FAM135B: variants seen among roughly 807,000 people sequenced by gnomAD.
FAM135B encodes the protein protein FAM135B.
A neutral mutation model predicts 127.7 loss-of-function variants in FAM135B; 43 were observed. The ratio of observed to expected loss-of-function variants is 0.34; its 90% CI spans 0.26 to 0.43. The LOEUF (loss-of-function observed/expected upper bound fraction) is 0.43, where lower values mean the gene tolerates loss of function less well. Among genes scored for constraint, FAM135B ranks in the 20% least tolerant of loss-of-function variants. The pLI is 1.00. For missense variants in FAM135B, 1,558 were observed against 1,725.6 expected (o/e 0.90, Z 1.72); for synonymous variants, 670 against 665.1 (o/e 1.01, Z -0.11).
rs184128370 is a variant in FAM135B at position 138,452,721 on chromosome 8, T to C, written c.-20+43950A>G. Among the ~76,000 whole-genome samples, 96 of 152,256 alleles carry C rather than the reference T, an allele frequency of 6.3e-4. 1 individual carries two copies. In the East Asian group the frequency reaches 0.015, roughly 24 times the overall value. On this transcript the variant is annotated intron_variant, in intron 1 of 19. Transcript: ENST00000395297. Reference sequence around the variant, plus strand: ...CTCTAGTCTAGGGTCTCTCATTAAGTTGCAGTCAAGATGTCAGTTAGGGCT... The same window carrying C: ...CTCTAGTCTAGGGTCTCTCATTAAGCTGCAGTCAAGATGTCAGTTAGGGCT...
At chr8:138,202,596 G>A (rs572821193) in intron 7 of FAM135B, among the ~76,000 whole-genome samples, 2 of 152,226 alleles carry the variant, frequency 1.3e-5, no homozygotes, top group East Asian at 3.9e-4. Context: ...ACCTTGGGGA[G>A]GTTTCTTCCC....
At position 138,151,421 on chromosome 8, in the gene FAM135B, C is replaced by G. The variant is rs1563689450; in HGVS notation, c.3054G>C (p.Glu1018Asp). ...CCTTCAGGCTGTCCAGAGTAAAGGT[C>G]TCTGCAGAAGTCAGATGGGACCCCA... is the stretch of plus-strand genomic sequence containing the variant. ...SIMGSHLTSA[E>D]TFTLDSLKAV... The change falls in exon 13 of 20, where the codon GAG becomes GAC. Residue 1018 changes from glutamate to aspartate, a missense_variant. Transcript: ENST00000395297. 2 of 1,614,052 alleles carry G rather than the reference C, an allele frequency of 1.2e-6. No individual in the cohort carries two copies. Among genetic ancestry groups the G allele is most frequent in the Non-Finnish European group, 8.5e-7 (1 of 1,179,980 alleles).
At chr8:138,142,617 A>G (rs1284062057) in intron 16 of FAM135B, among the ~76,000 whole-genome samples, 1 of 151,890 alleles carries the variant, frequency 6.6e-6, no homozygotes, top group Non-Finnish European at 1.5e-5. Flanking sequence ...TTCAAACATC[A>G]TCTCAGTGCT....
At chr8:138,391,925 G>T (rs1453837959) in intron 1 of FAM135B, among the ~76,000 whole-genome samples, 1 of 152,132 alleles carries the variant, frequency 6.6e-6, no homozygotes, top group African/African-American at 2.4e-5. Flanking sequence ...CTCATCACTA[G>T]GCCATCTGGT....
At position 138,242,477 on chromosome 8, in the gene FAM135B, A is replaced by G. The variant is rs1481615307; in HGVS notation, c.669+465T>C. 6.6e-6 allele frequency among the ~76,000 whole-genome samples: 1 copy of G among 152,108 alleles called. No individual in the cohort carries two copies. The highest frequency in any genetic ancestry group is 1.5e-5 in the Non-Finnish European group (1 of 68,014). On this transcript the variant is annotated intron_variant, in intron 7 of 19. Transcript: ENST00000395297. This position sits in a 1 kb window ranked among gnomAD's most constrained non-coding sequence, Gnocchi z 9.6. ...TATTGGATACCGGGCTAGGAACTTTACATTTATTACAACATTTGGGTACAT... is the reference window on the plus strand; with the variant it reads ...TATTGGATACCGGGCTAGGAACTTTGCATTTATTACAACATTTGGGTACAT...
intron 12 of FAM135B, among the ~76,000 whole-genome samples, chr8:138,156,447 GAGC>G (rs1818755069): frequency 6.6e-6 from 1 of 152,118 alleles, no homozygotes; most frequent in Non-Finnish European, 1.5e-5. Context: ...AGTAAGATCA[GAGC>G]AGAACTGAAG....
intron 12 of FAM135B, among the ~76,000 whole-genome samples, chr8:138,163,783 T>G (rs150738464): frequency 6.6e-6 from 1 of 152,170 alleles, no homozygotes; most frequent in African/African-American, 2.4e-5. Context: ...ACAAATGCTA[T>G]TGTCACAGAC....
chr8:138,317,113 T>C (rs932014528), intron 2 of FAM135B, among the ~76,000 whole-genome samples: 2 of 152,234 alleles, frequency 1.3e-5, no homozygotes, highest in South Asian at 2.1e-4. Context: ...TTATCCACAA[T>C]ACTAAAAACT....
chr8:138,333,008 C>T (rs866541866), intron 2 of FAM135B, among the ~76,000 whole-genome samples: 2 of 151,430 alleles, frequency 1.3e-5, no homozygotes, highest in African/African-American at 2.4e-5. Flanking sequence ...CACACACACA[C>T]GCTTGTATTT....
At chr8:138,494,362 A>G (rs1815306712) in intron 1 of FAM135B, among the ~76,000 whole-genome samples, 1 of 152,228 alleles carries the variant, frequency 6.6e-6, no homozygotes, top group Non-Finnish European at 1.5e-5. Flanking sequence ...AAAGTCAGAT[A>G]GGGAGAGGCA....
chr8:138,382,509 A>G (rs1831922676), intron 1 of FAM135B, among the ~76,000 whole-genome samples: 1 of 152,138 alleles, frequency 6.6e-6, no homozygotes, highest in African/African-American at 2.4e-5. Flanking sequence ...CTCAGTGCAC[A>G]GCAAAGGGCA....
At chr8:138,250,812 C>T (rs2130481896) in intron 6 of FAM135B, 29 bp downstream of exon 6, 1 of 1,609,536 alleles carries the variant, frequency 6.2e-7, no homozygotes, top group Non-Finnish European at 8.5e-7. Flanking sequence ...GTGGCTCCCA[C>T]ATATCAGGGC....
At chr8:138,158,243 C>A (rs2130832733) in intron 12 of FAM135B, among the ~76,000 whole-genome samples, 1 of 152,268 alleles carries the variant, frequency 6.6e-6, no homozygotes, top group South Asian at 2.1e-4. Flanking sequence ...AACTGGCTAG[C>A]CATATGTATA....
At chr8:138,166,768 G>A (rs1819963202) in intron 12 of FAM135B, among the ~76,000 whole-genome samples, 1 of 152,168 alleles carries the variant, frequency 6.6e-6, no homozygotes, top group Non-Finnish European at 1.5e-5. Flanking sequence ...GTGACTCGAT[G>A]AGTGACGGCA....
chr8:138,461,004 T>A (rs1459954216), intron 1 of FAM135B, among the ~76,000 whole-genome samples: 1 of 152,104 alleles, frequency 6.6e-6, no homozygotes, highest in Non-Finnish European at 1.5e-5. Flanking sequence ...TTTCCTATTT[T>A]CTCTTCCAAT....
chr8:138,425,983 A>ATG (rs1563992252), intron 1 of FAM135B, among the ~76,000 whole-genome samples: 1 of 14,090 alleles, frequency 7.1e-5, no homozygotes, highest in African/African-American at 7.0e-4. Context: ...ATATATATAT[A>ATG]TATATATATA....
intron 1 of FAM135B, among the ~76,000 whole-genome samples, chr8:138,496,424 C>G (rs1815394383): frequency 6.6e-6 from 1 of 152,230 alleles, no homozygotes; most frequent in Non-Finnish European, 1.5e-5. Context: ...GGGAACCCCT[C>G]ATTAACCCAG....
rs575471942 is a variant in FAM135B at position 138,472,982 on chromosome 8, G to A, written c.-20+23689C>T. On this transcript the variant is annotated intron_variant, in intron 1 of 19. Transcript: ENST00000395297. ...GTCCTGCACATCCATGATAGGGCAC[G>A]TGGATATTGGGAATTCTAGTCAGAA... Among the ~76,000 whole-genome samples, 10 of 152,260 alleles carry A rather than the reference G, an allele frequency of 6.6e-5. No individual in the cohort carries two copies. In the South Asian group the frequency reaches 1.0e-3, roughly 16 times the overall value.
chr8:138,246,729 G>A (rs1821317558), intron 6 of FAM135B, among the ~76,000 whole-genome samples: 1 of 152,066 alleles, frequency 6.6e-6, no homozygotes, highest in Non-Finnish European at 1.5e-5. Flanking sequence ...ATGAGAAGAG[G>A]GCCACCATCC....
Sources: allele counts gnomAD v4.1 joint callset (sites outside exome capture counted in the v4.1 genomes callset), GRCh38; gene constraint gnomAD v4.1.1; non-coding constraint Gnocchi (gnomAD v3.1); transcripts MANE v1.5; gene names NCBI Gene and HGNC (gene_info 2026-07-23, HGNC 2026-07-21).